The following ERI3 variants were observed in gnomAD, a reference collection of about 807,000 sequenced individuals.
ERI3 encodes the protein ERI1 exoribonuclease 3.
In ERI3, 18 loss-of-function variants were observed where a neutral mutation model predicts 44.4. The ratio of observed to expected loss-of-function variants is 0.41; its 90% CI spans 0.28 to 0.60. The LOEUF is 0.60. Ranked by LOEUF, ERI3 falls within the 20% of genes least tolerant of loss-of-function variation. ERI3 has a pLI of 0.36. For missense variants in ERI3, 294 were observed against 435.5 expected (o/e 0.68, Z 2.89); for synonymous variants, 183 against 164.8 (o/e 1.11, Z -0.84).
intron 3 of ERI3, among the ~76,000 whole-genome samples, chr1:44,332,716 A>G (rs1646456662): frequency 6.6e-6 from 1 of 152,220 alleles, no homozygotes; most frequent in Admixed American, 6.5e-5. Context: ...ACTCGGACAC[A>G]GCAAACGCTT....
At chr1:44,242,458 C>T (rs1487295763) in intron 8 of ERI3, among the ~76,000 whole-genome samples, 1 of 152,262 alleles carries the variant, frequency 6.6e-6, no homozygotes, top group African/African-American at 2.4e-5. Flanking sequence ...AACCCTCAGC[C>T]AAGGTCCTCA....
intron 2 of ERI3, among the ~76,000 whole-genome samples, chr1:44,346,438 T>C (rs1346975995): frequency 6.6e-6 from 1 of 152,254 alleles, no homozygotes; most frequent in Non-Finnish European, 1.5e-5. Flanking sequence ...CCCAGTAGCT[T>C]GGGCAAACTC....
In ERI3 at chr1:44,228,743, C is replaced by T. The variant is rs1308418134; in HGVS notation, c.932-7103G>A. On this transcript the variant is annotated intron_variant, in intron 8 of 8. Transcript: ENST00000372257. This position sits in a 1 kb window ranked among gnomAD's most constrained non-coding sequence, Gnocchi z 4.3. ...GCACAGTGCCTGGAAACCCCTTTGC[C>T]AGCATCCCAGAACTGCCTGACCAGT... Among the ~76,000 whole-genome samples the T allele has an allele frequency of 6.6e-6, 1 of 152,188 alleles. No individual in the cohort carries two copies. The highest frequency in any genetic ancestry group is 1.5e-5 in the Non-Finnish European group (1 of 68,034).
intron 6 of ERI3, among the ~76,000 whole-genome samples, chr1:44,307,447 G>A (rs1263750493): frequency 2.0e-5 from 3 of 151,928 alleles, no homozygotes; most frequent in African/African-American, 4.8e-5. Context: ...ACACACACAC[G>A]GAATACTTGC....
At chr1:44,345,027 T>C (rs1033935215) in intron 2 of ERI3, among the ~76,000 whole-genome samples, 1 of 152,206 alleles carries the variant, frequency 6.6e-6, no homozygotes, top group Non-Finnish European at 1.5e-5. Flanking sequence ...CATTACTGTC[T>C]ATCAGGTAAA....
At chr1:44,340,023 T>G (rs1646618956) in intron 2 of ERI3, among the ~76,000 whole-genome samples, 1 of 152,018 alleles carries the variant, frequency 6.6e-6, no homozygotes, top group Admixed American at 6.5e-5. Flanking sequence ...TGCCTTAGAC[T>G]CGGTCTCTAC....
chr1:44,353,626 C>T (rs1646939796), intron 1 of ERI3: 3 of 985,256 alleles, frequency 3.0e-6, no homozygotes, highest in Non-Finnish European at 2.4e-6. Context: ...CACCAATTTA[C>T]CCCACCACAA....
At chr1:44,234,295 G>A (rs1422449207) in intron 8 of ERI3, among the ~76,000 whole-genome samples, 3 of 152,126 alleles carry the variant, frequency 2.0e-5, no homozygotes. Flanking sequence ...CTCCCATCTA[G>A]GTAACGGCAG....
intron 7 of ERI3, chr1:44,283,877 A>G: frequency 2.5e-6 from 1 of 408,016 alleles, no homozygotes; most frequent in Non-Finnish European, 5.0e-6. Context: ...TCCTCCTCCT[A>G]TCCATATCCC....
At chr1:44,265,527 T>C (rs1200457890) in intron 7 of ERI3, among the ~76,000 whole-genome samples, 2 of 152,228 alleles carry the variant, frequency 1.3e-5, no homozygotes, top group East Asian at 3.9e-4. Flanking sequence ...GAGCTCACAA[T>C]GTACTAGGAA....
In ERI3 at chr1:44,221,809, G is replaced by A. The variant is rs1643904179; in HGVS notation, c.932-169C>T. ...AGCATTCCTAGCTTCAGGTTGGTCT[G>A]GGTGATGCTGGGCCGGCAGGAAGCC... On this transcript the variant is annotated intron_variant, in intron 8 of 8. Transcript: ENST00000372257. This position sits in a 1 kb window ranked among gnomAD's most constrained non-coding sequence, Gnocchi z 5.9. Among the ~76,000 whole-genome samples, 1 of 152,196 alleles carries A rather than the reference G, an allele frequency of 6.6e-6. No individual in the cohort carries two copies. The highest frequency in any genetic ancestry group is 2.1e-4 in the South Asian group (1 of 4,830).
intron 2 of ERI3, 36 bp from the exon 3 acceptor site, chr1:44,339,358 A>G (rs768702731): frequency 1.4e-6 from 2 of 1,423,394 alleles, no homozygotes; most frequent in Non-Finnish European, 9.3e-7. Flanking sequence ...AAAAAAAAAA[A>G]GAAAAGAAAG....
intron 6 of ERI3, among the ~76,000 whole-genome samples, chr1:44,304,404 A>G (rs746927355): frequency 3.9e-5 from 6 of 152,218 alleles, no homozygotes; most frequent in Non-Finnish European, 8.8e-5. Context: ...ATAAGTATTA[A>G]TATCTACCCA....
Position 44,279,230 on chromosome 1 carries a change from A to T in ERI3, c.831+5605T>A, listed in dbSNP as rs187835899. On this transcript the variant is annotated intron_variant, in intron 7 of 8. Coordinates refer to ENST00000372257, the MANE Select transcript of ERI3 (RefSeq NM_024066.3). ...CAATCACAGACCAATAACACTGCCAATTTTTTTTTATTTCTTTGAGACAGG... is the reference window on the plus strand; with the variant it reads ...CAATCACAGACCAATAACACTGCCATTTTTTTTTTATTTCTTTGAGACAGG... Among the ~76,000 whole-genome samples the T allele has an allele frequency of 5.0e-3, 661 of 133,166 alleles. 3 individuals are homozygous for T. The highest frequency in any genetic ancestry group is 0.016 in the African/African-American group (626 of 39,910). 87.4% of individuals were successfully genotyped at this position (133,166 alleles called of 152,430 possible).
intron 6 of ERI3, among the ~76,000 whole-genome samples, chr1:44,295,543 C>T (rs1344852037): frequency 1.3e-5 from 2 of 152,172 alleles, no homozygotes; most frequent in Non-Finnish European, 2.9e-5. Flanking sequence ...CCAGCACTTC[C>T]GGGATATGCT....
At chr1:44,259,699 C>CAG (rs952533516) in intron 7 of ERI3, among the ~76,000 whole-genome samples, 9 of 150,776 alleles carry the variant, frequency 6.0e-5, no homozygotes, top group African/African-American at 1.2e-4. Context: ...GACACACACA[C>CAG]ACACACACAC....
chr1:44,344,153 G>A (rs1226947275), intron 2 of ERI3, among the ~76,000 whole-genome samples: 3 of 151,638 alleles, frequency 2.0e-5, no homozygotes, highest in African/African-American at 4.9e-5. Context: ...CAGGAGAATC[G>A]CTTGAACCTA....
At chr1:44,329,887 T>A (rs1646394159) in intron 3 of ERI3, among the ~76,000 whole-genome samples, 1 of 152,168 alleles carries the variant, frequency 6.6e-6, no homozygotes, top group South Asian at 2.1e-4. Flanking sequence ...AGGCCACTAG[T>A]CTCCAAAAGA....
chr1:44,246,168 G>A (rs1210567859), intron 8 of ERI3, among the ~76,000 whole-genome samples: 1 of 152,134 alleles, frequency 6.6e-6, no homozygotes, highest in Non-Finnish European at 1.5e-5. Context: ...TTTTCTAGCT[G>A]CTTCCTAACC....
Sources: allele counts gnomAD v4.1 joint callset (sites outside exome capture counted in the v4.1 genomes callset), GRCh38; gene constraint gnomAD v4.1.1; non-coding constraint Gnocchi (gnomAD v3.1); transcripts MANE v1.5; gene names NCBI Gene and HGNC (gene_info 2026-07-23, HGNC 2026-07-21).